Variants in ZNF518A observed in about 807,000 individuals in gnomAD.
ZNF518A encodes zinc finger protein 518A.
In ZNF518A, 47 loss-of-function variants were observed where a neutral mutation model predicts 102.7. The observed-to-expected ratio is 0.46, with a 90% CI of 0.36 to 0.58. The LOEUF is 0.58. ZNF518A is among the 20% of genes least tolerant of loss of function. ZNF518A has a pLI of 0.00. For missense variants in ZNF518A, 1,793 were observed against 1,699.8 expected (o/e 1.05, Z -0.96); for synonymous variants, 652 against 594.6 (o/e 1.10, Z -1.40).
chr10:96,191,190 T>G (rs1007059673), intron 1 of ZNF518A, among the ~76,000 whole-genome samples: 1 of 152,002 alleles, frequency 6.6e-6, no homozygotes, highest in African/African-American at 2.4e-5. Context: ...CTGCCATGAT[T>G]GTGAGGCCTC....
At chr10:96,191,919 G>C in intron 1 of ZNF518A, 1 of 1,609,392 alleles carries the variant, frequency 6.2e-7, no homozygotes, top group East Asian at 2.2e-5. Flanking sequence ...TTCTCAAAAG[G>C]AGAAACTTTG....
chr10:96,147,619 C>G (rs2082232965), intron 3 of ZNF518A, among the ~76,000 whole-genome samples: 1 of 152,110 alleles, frequency 6.6e-6, no homozygotes, highest in African/African-American at 2.4e-5. Flanking sequence ...AAGCTTTATG[C>G]CAGAATTCGA....
At chr10:96,132,201 T>TG (rs1381616088) in intron 1 of ZNF518A, among the ~76,000 whole-genome samples, 1 of 151,700 alleles carries the variant, frequency 6.6e-6, no homozygotes, top group East Asian at 1.9e-4. Flanking sequence ...TATGGGGTAT[T>TG]GGCTTCTCAT....
Position 96,161,590 on chromosome 10 carries a change from T to C in ZNF518A, c.*816T>C, listed in dbSNP as rs747346494. 1 of 166,774 alleles carries C rather than the reference T, an allele frequency of 6.0e-6. No individual in the cohort carries two copies. The highest frequency in any genetic ancestry group is 1.9e-4 in the East Asian group (1 of 5,202). 10.3% of individuals were successfully genotyped at this position (166,774 alleles called of 1,614,324 possible). A position where few individuals can be genotyped will look rare whatever the true frequency, so the allele number is the denominator to read the frequency against. On this transcript the variant is annotated 3_prime_UTR_variant, in exon 6 of 6. Coordinates refer to ENST00000316045, the MANE Select transcript of ZNF518A (RefSeq NM_001330736.2). ...ATCCCTTTGCACAGAACTATGCTTA[T>C]CTCATGTTTGTCCTCCATAAACAAA...
intron 1 of ZNF518A, among the ~76,000 whole-genome samples, chr10:96,193,189 C>A (rs1281197841): frequency 6.6e-6 from 1 of 152,218 alleles, no homozygotes; most frequent in Non-Finnish European, 1.5e-5. Context: ...CCTATTCAAT[C>A]ATTCAGCCAT....
intron 3 of ZNF518A, among the ~76,000 whole-genome samples, chr10:96,152,003 A>G (rs925234832): frequency 5.3e-5 from 8 of 152,214 alleles, no homozygotes; most frequent in Admixed American, 1.3e-4. Context: ...CAGTAGTTTA[A>G]ATAGCACATT....
chr10:96,147,661 T>C (rs1554878989), intron 3 of ZNF518A, among the ~76,000 whole-genome samples: 1 of 152,216 alleles, frequency 6.6e-6, no homozygotes, highest in Non-Finnish European at 1.5e-5. Context: ...GTCCATCTGT[T>C]ACTGTTGCTG....
chr10:96,165,447 G>C (rs2083124807), downstream of ZNF518A, among the ~76,000 whole-genome samples: 2 of 98,754 alleles, frequency 2.0e-5, no homozygotes, highest in Non-Finnish European at 2.1e-5. Context: ...AATAATACAA[G>C]CCTGCCAAAA....
In ZNF518A at chr10:96,159,882, C is replaced by T; in HGVS notation, c.3560C>T (p.Pro1187Leu). Residue 1187 changes from proline (P) to leucine (L), a missense_variant, in exon 6 of 6, where the codon CCA (proline) becomes CTA (leucine). Physicochemically the swap from Pro to Leu is moderately conservative, Grantham distance 98. This residue lies in a region of ZNF518A where 1,741 missense variants were observed against 1,622.6 expected (regional missense o/e 1.07). Coordinates refer to ENST00000316045, the MANE Select transcript of ZNF518A (RefSeq NM_001330736.2). ...NQIIGGEQKE[P>L]ESRDALPFLL... ...ATTATAGGAGGAGAGCAGAAAGAGC[C>T]AGAATCTAGAGATGCCTTACCCTTC... 1 of 1,613,428 alleles carries T rather than the reference C, an allele frequency of 6.2e-7. No individual in the cohort carries two copies. The highest frequency in any genetic ancestry group is 8.5e-7 in the Non-Finnish European group (1 of 1,179,712).
At chr10:96,169,405 T>TA (rs782491357) in intron 1 of ZNF518A, among the ~76,000 whole-genome samples, 10 of 152,224 alleles carry the variant, frequency 6.6e-5, no homozygotes, top group Non-Finnish European at 1.3e-4. Context: ...TGATCAATCT[T>TA]AGAGTTCACA....
At chr10:96,165,135 A>G (rs979729222), downstream of ZNF518A, among the ~76,000 whole-genome samples, 4 of 152,042 alleles carry the variant, frequency 2.6e-5, no homozygotes, top group Admixed American at 1.3e-4. Context: ...CCATTTATTT[A>G]TTTTTCGAGA....
chr10:96,168,578 T>G (rs750944881), downstream of ZNF518A, among the ~76,000 whole-genome samples: 2 of 152,200 alleles, frequency 1.3e-5, no homozygotes, highest in African/African-American at 4.8e-5. Context: ...ATGAATATCT[T>G]AATTTTTCTG....
intron 3 of ZNF518A, among the ~76,000 whole-genome samples, chr10:96,135,707 T>C (rs2142332829): frequency 6.6e-6 from 1 of 152,346 alleles, no homozygotes; most frequent in East Asian, 1.9e-4. Context: ...GTGTTGAGAA[T>C]AATGACTGTG....
intron 3 of ZNF518A, among the ~76,000 whole-genome samples, chr10:96,140,433 G>A (rs997977060): frequency 1.4e-4 from 22 of 152,202 alleles, no homozygotes; most frequent in Middle Eastern, 6.8e-3. Flanking sequence ...GCAAATAGCA[G>A]TACATCTTTT....
intron 1 of ZNF518A, among the ~76,000 whole-genome samples, chr10:96,180,180 C>CT (rs60561670): frequency 0.31 from 29,508 of 95,432 alleles, 5,640 homozygotes; most frequent in Non-Finnish European, 0.41. Flanking sequence ...GCTCCAGCCT[C>CT]TTTTTTTTTT....
intron 1 of ZNF518A, among the ~76,000 whole-genome samples, chr10:96,176,637 C>G (rs2133888299): frequency 6.6e-6 from 1 of 152,296 alleles, no homozygotes; most frequent in Admixed American, 6.5e-5. Context: ...GTGGCTCATG[C>G]CTGTAATCCC....
intron 1 of ZNF518A, among the ~76,000 whole-genome samples, chr10:96,198,801 C>T (rs1274435796): frequency 6.6e-6 from 1 of 152,190 alleles, no homozygotes; most frequent in Non-Finnish European, 1.5e-5. Context: ...TAGGCCCAAC[C>T]GATTCTCCTG....
downstream of ZNF518A, chr10:96,204,259 A>G (rs2083737164): frequency 2.5e-6 from 2 of 789,076 alleles, no homozygotes; most frequent in African/African-American, 3.5e-5. Flanking sequence ...AAGATAAGTA[A>G]GACTCTTCCT....
downstream of ZNF518A, chr10:96,204,161 A>T (rs782201721): frequency 1.1e-5 from 17 of 1,489,556 alleles, no homozygotes; most frequent in South Asian, 3.4e-5. Context: ...GTTTACACTG[A>T]TGATGCTGTG....
Sources: gnomAD v4.1 joint callset for allele counts (sites outside exome capture counted in the v4.1 genomes callset) on GRCh38, gnomAD v4.1.1 for gene constraint, gnomAD v4.1.1 regional missense constraint, MANE v1.5 for transcripts, NCBI Gene and HGNC (gene_info 2026-07-23, HGNC 2026-07-21) for gene names.